Variants in ITPR3 observed in about 807,000 individuals in gnomAD.
The protein encoded by ITPR3 is inositol 1,4,5-trisphosphate-gated calcium channel ITPR3.
Under a neutral mutation model 293.2 loss-of-function variants are expected in ITPR3, and 173 were observed. The ratio of observed to expected loss-of-function variants is 0.59; its 90% confidence interval spans 0.52 to 0.67. The LOEUF (loss-of-function observed/expected upper bound fraction) is 0.67, where lower values mean the gene tolerates loss of function less well. Among genes scored for constraint, ITPR3 ranks in the 30% least tolerant of loss-of-function variants. The pLI is 0.00. For synonymous variants in ITPR3, 1,295 were observed against 1,444.4 expected, an observed-to-expected ratio of 0.90 and a Z score of 2.35; for missense variants, 2,796 against 3,592.1, an observed-to-expected ratio of 0.78 and a Z score of 5.66.
Position 33,687,016 on chromosome 6 carries a change from C to T in ITPR3, c.5987C>T (p.Ala1996Val). ...CTCTGCCCCTCCACCCAGGACAATG[C>T]CTCCAAGCTGCTCCTGGCTCTGATG... ...MDLVLQLKDNASKLLLALMES... is the reference protein window; with the variant it reads ...MDLVLQLKDNVSKLLLALMES... Residue 1996 changes from alanine to valine, a missense_variant, in exon 44 of 58, where the codon GCC (alanine) becomes GTC (valine). By Grantham distance (64) the Ala-to-Val change is moderately conservative. Transcript: ENST00000605930. This position sits in a 1 kb window ranked among gnomAD's most constrained non-coding sequence, Gnocchi z 5.3. 6.2e-7 allele frequency: 1 copy of T among 1,613,812 alleles called. No individual in the cohort carries two copies. The highest frequency in any genetic ancestry group is 8.5e-7 in the Non-Finnish European group (1 of 1,179,842).
chr6:33,685,487 C>G lies in ITPR3; in HGVS notation c.5436C>G (p.Gly1812=), dbSNP rs753639375. The G allele has an allele frequency of 9.9e-6, 16 of 1,613,264 alleles. No homozygotes were observed. The African/African-American group carries it at 1.5e-4, about 15-fold the overall frequency. Residue 1812 remains glycine (G), a synonymous_variant, in exon 40 of 58, where the codon GGC becomes GGG. Coordinates refer to ENST00000605930, the MANE Select transcript of ITPR3 (RefSeq NM_002224.4). ...TGGCAGTCAACATGAATGACCTGGG[C>G]AGCCAGCCACATGAGGACCGCGAGC... is the stretch of plus-strand genomic sequence containing the variant. The part of the protein sequence containing the change: ...STVAVNMNDL[G]SQPHEDREPV...
At position 33,670,597 on chromosome 6, in the gene ITPR3, G is replaced by T. The variant is rs978970825; in HGVS notation, c.2441+21G>T. ...AAGGAGTGAGAGGGGTGGAGGCAGG[G>T]TGGGCGGGGCAGGGGCAGAGGCTGG... On this transcript the variant is annotated intron_variant, in intron 19 of 57. Transcript: ENST00000605930. This position sits in a 1 kb window ranked among gnomAD's most constrained non-coding sequence, Gnocchi z 6.7. 34 of 1,611,928 alleles carry T rather than the reference G, an allele frequency of 2.1e-5. No individual in the cohort carries two copies. The highest frequency in any genetic ancestry group is 2.9e-5 in the Non-Finnish European group (34 of 1,179,120).
At chr6:33,643,196 C>T (rs1763988003) in intron 2 of ITPR3, among the ~76,000 whole-genome samples, 1 of 152,186 alleles carries the variant, frequency 6.6e-6, no homozygotes, top group Non-Finnish European at 1.5e-5. Context: ...CAGAAATGGC[C>T]TTGTCCTGAA....
chr6:33,650,385 A>T (rs9394159), intron 2 of ITPR3, among the ~76,000 whole-genome samples: 69,605 of 152,160 alleles, frequency 0.46, 15,944 homozygotes, highest in East Asian at 0.53. Context: ...AAAAAGTTGA[A>T]TCTTACAAGT....
In ITPR3 at chr6:33,680,638, C is replaced by G. The variant is rs953153676; in HGVS notation, c.4434C>G (p.Ala1478=). ...VLSVVLDTIN[A]FFSSPFSENS... ...GCGTTGTGCTGGACACCATCAACGC[C>G]TTCTTCAGCTCCCCATTCTCTGAGA... The change falls in exon 33 of 58, where the codon GCC becomes GCG. Residue 1478 remains alanine (A), a synonymous_variant. Transcript: ENST00000605930. 5 of 1,614,020 alleles carry G rather than the reference C, an allele frequency of 3.1e-6. No individual in the cohort carries two copies. In the African/African-American group the frequency reaches 6.7e-5, roughly 22 times the overall value.
chr6:33,663,064 C>T (rs1319581318), intron 9 of ITPR3, 58 bp downstream of exon 9: 15 of 1,458,896 alleles, frequency 1.0e-5, no homozygotes, highest in Admixed American at 5.9e-5. Context: ...CGTGGGTGTG[C>T]GGGAACATGT....
chr6:33,693,801 A>G, intron 56 of ITPR3, 96 bp downstream of exon 56: 3 of 1,422,360 alleles, frequency 2.1e-6, no homozygotes, highest in Middle Eastern at 2.4e-4. Context: ...GCTTCTGAGT[A>G]CCCTGGGCCC....
intron 3 of ITPR3, 83 bp from the exon 4 acceptor site, chr6:33,657,849 G>C: frequency 1.9e-6 from 2 of 1,071,372 alleles, no homozygotes; most frequent in Non-Finnish European, 2.8e-6. Context: ...GTGCATGTGT[G>C]CGTGCATGTG....
intron 49 of ITPR3, 21 bp from the exon 50 acceptor site, chr6:33,689,217 C>T (rs371169717): frequency 6.2e-6 from 10 of 1,604,638 alleles, no homozygotes; most frequent in Non-Finnish European, 8.5e-6. Flanking sequence ...GAGCCCTGCT[C>T]ACCCTGCCCC....
In ITPR3 at chr6:33,688,133, T is replaced by G. The variant is rs201711088; in HGVS notation, c.6341T>G (p.Leu2114Arg). 1.4e-4 allele frequency: 223 copies of G among 1,613,998 alleles called. No individual in the cohort carries two copies. Among genetic ancestry groups the G allele is most frequent in the Non-Finnish European group, 1.8e-4 (211 of 1,180,024 alleles). The stretch of plus-strand genomic sequence containing the variant: ...GCACAGGAGGAGGAGGAAGACCCCC[T>G]GGCCTACTATGAGAACCACACGTCC... Reference protein sequence around the residue: ...APAQEEEEDPLAYYENHTSQI... With the variant: ...APAQEEEEDPRAYYENHTSQI... The change falls in exon 47 of 58, where the codon CTG (leucine) becomes CGG (arginine). Residue 2114 changes from leucine to arginine, a missense_variant. Coordinates refer to ENST00000605930, the MANE Select transcript of ITPR3 (RefSeq NM_002224.4).
chr6:33,668,033 C>A lies in ITPR3; in HGVS notation c.1886+69C>A. ...CTCCCTTGCCTGGGTAGAAACTCTG[C>A]TGGTTGTGTGAACTATTCCTGCACC... On this transcript the variant is annotated intron_variant, in intron 16 of 57. Coordinates refer to ENST00000605930, the MANE Select transcript of ITPR3 (RefSeq NM_002224.4). 2.6e-6 allele frequency: 4 copies of A among 1,548,358 alleles called. No individual in the cohort carries two copies. In the East Asian group the frequency reaches 9.0e-5, roughly 35 times the overall value.
At position 33,624,006 on chromosome 6, in the gene ITPR3, G is replaced by A. The variant is rs1028125433; in HGVS notation, c.89+2315G>A. Among the ~76,000 whole-genome samples, 2 of 152,152 alleles carry A rather than the reference G, an allele frequency of 1.3e-5. No individual in the cohort carries two copies. Among genetic ancestry groups the A allele is most frequent in the African/African-American group, 4.8e-5 (2 of 41,432 alleles). On this transcript the variant is annotated intron_variant, in intron 1 of 57. Coordinates refer to ENST00000605930, the MANE Select transcript of ITPR3 (RefSeq NM_002224.4). This position sits in a 1 kb window ranked among gnomAD's most constrained non-coding sequence, Gnocchi z 4.7. ...GCACCACACGACTGCAACCTGTCCC[G>A]CGCTCTCAGTCTCTTTACCTTTGCT...
intron 18 of ITPR3, 117 bp downstream of exon 18, chr6:33,669,273 C>A: frequency 9.5e-7 from 1 of 1,057,776 alleles, no homozygotes; most frequent in Non-Finnish European, 1.3e-6. Context: ...GCTCCTGCCT[C>A]CTCAGAAGCG....
chr6:33,659,761 A>G (rs993730809), intron 7 of ITPR3, among the ~76,000 whole-genome samples: 18 of 151,548 alleles, frequency 1.2e-4, no homozygotes, highest in Admixed American at 9.2e-4. Context: ...TCCCTTCTCC[A>G]TTCTCCCTGG....
intron 49 of ITPR3, 119 bp from the exon 50 acceptor site, chr6:33,689,119 C>T: frequency 8.4e-7 from 1 of 1,192,988 alleles, no homozygotes; most frequent in Non-Finnish European, 1.2e-6. Flanking sequence ...TAAAACCAGG[C>T]ACCAGGAACT....
intron 55 of ITPR3, among the ~76,000 whole-genome samples, chr6:33,693,169 G>T (rs369514496): frequency 6.6e-6 from 1 of 152,196 alleles, no homozygotes; most frequent in East Asian, 1.9e-4. Flanking sequence ...TCAGTCCAGT[G>T]CTTTTCCTAC....
intron 2 of ITPR3, among the ~76,000 whole-genome samples, chr6:33,652,172 T>G (rs1009514840): frequency 3.9e-5 from 6 of 152,206 alleles, no homozygotes; most frequent in African/African-American, 1.2e-4. Flanking sequence ...GTCCTGTTTC[T>G]AGATGCGCCA....
At position 33,670,848 on chromosome 6, in the gene ITPR3, C is replaced by G. The variant is rs754304505; in HGVS notation, c.2586+33C>G. On this transcript the variant is annotated intron_variant, in intron 20 of 57. Coordinates refer to ENST00000605930, the MANE Select transcript of ITPR3 (RefSeq NM_002224.4). This position sits in a 1 kb window ranked among gnomAD's most constrained non-coding sequence, Gnocchi z 6.7. ...GGGGAGTGCCCAGGGGCTGGGGGTC[C>G]GTGGAGCTCTTGTTGGCCCCACACT... 5 of 1,605,962 alleles carry G rather than the reference C, an allele frequency of 3.1e-6. No individual in the cohort carries two copies. The highest frequency in any genetic ancestry group is 1.3e-5 in the African/African-American group (1 of 74,820).
rs1765418334 is a variant in ITPR3, at chr6:33,692,340, G to C, written c.7459-388G>C. On this transcript the variant is annotated intron_variant, in intron 54 of 57. Transcript: ENST00000605930. This position sits in a 1 kb window ranked among gnomAD's most constrained non-coding sequence, Gnocchi z 4.2. Reference sequence around the variant, plus strand: ...AGGCCGCCTCCCTGGCCAGACAGAGGGTTTCTGGAATGTGTGAGGCCAGGC... The same window carrying C: ...AGGCCGCCTCCCTGGCCAGACAGAGCGTTTCTGGAATGTGTGAGGCCAGGC... 1.3e-5 allele frequency among the ~76,000 whole-genome samples: 2 copies of C among 152,172 alleles called. No individual in the cohort carries two copies. The highest frequency in any genetic ancestry group is 4.1e-4 in the South Asian group (2 of 4,828).
Sources: allele counts gnomAD v4.1 joint callset (sites outside exome capture counted in the v4.1 genomes callset), GRCh38; gene constraint gnomAD v4.1.1; non-coding constraint Gnocchi (gnomAD v3.1); transcripts MANE v1.5; gene names NCBI Gene and HGNC (gene_info 2026-07-23, HGNC 2026-07-21).